DAB1: variants seen among roughly 807,000 people sequenced by gnomAD.
DAB1 encodes the protein DAB adaptor protein 1, also known as disabled homolog 1.
DAB1 carries 15 observed loss-of-function variants against 64.6 expected under a neutral mutation model. The observed-to-expected ratio is 0.23, with a 90% confidence interval of 0.16 to 0.36. The LOEUF is 0.36. DAB1 is among the 10% of genes least tolerant of loss of function. The probability of loss-of-function intolerance (pLI) is 1.00; values close to 1 mark genes in which losing one functional copy is unlikely to be tolerated. For missense variants in DAB1, 596 were observed against 706.7 expected, an observed-to-expected ratio of 0.84 and a Z score of 1.78; for synonymous variants, 235 against 251.9, an observed-to-expected ratio of 0.93 and a Z score of 0.64.
intron 7 of DAB1, among the ~76,000 whole-genome samples, chr1:57,560,375 T>C (rs1304342604): frequency 1.3e-5 from 2 of 152,252 alleles, no homozygotes; most frequent in African/African-American, 4.8e-5. Flanking sequence ...GACATTTGCA[T>C]GCCAGAGGAT....
At chr1:57,860,049 T>C (rs929640271) in intron 1 of DAB1, among the ~76,000 whole-genome samples, 14 of 152,264 alleles carry the variant, frequency 9.2e-5, no homozygotes, top group Admixed American at 2.6e-4. Flanking sequence ...ATGGTATAGA[T>C]GAGGAAAATA....
At chr1:58,003,753 CT>C (rs1333428033) in intron 5 of DAB1, among the ~76,000 whole-genome samples, 1 of 152,190 alleles carries the variant, frequency 6.6e-6, no homozygotes, top group African/African-American at 2.4e-5. Flanking sequence ...TTGGTCATCA[CT>C]GTCAGATGAC....
At chr1:57,504,666 G>T (rs1383415412) in intron 7 of DAB1, among the ~76,000 whole-genome samples, 1 of 152,118 alleles carries the variant, frequency 6.6e-6, no homozygotes, top group Non-Finnish European at 1.5e-5. Context: ...AGTGTGGGCT[G>T]GGCATTGTGA....
chr1:57,198,537 A>C lies in DAB1; in HGVS notation c.68-53108T>G, dbSNP rs569187718. Among the ~76,000 whole-genome samples, 19 of 151,494 alleles carry C rather than the reference A, an allele frequency of 1.3e-4. No homozygotes were observed. In the South Asian group the frequency reaches 3.3e-3, roughly 27 times the overall value. On this transcript the variant is annotated intron_variant, in intron 2 of 14. Coordinates refer to ENST00000371236, the MANE Select transcript of DAB1 (RefSeq NM_001365792.1). ...CCTTCTCTCAATCCCTCAATCACCA[A>C]ACCTTTTCCCTTTGCATTTGCTGTT...
At chr1:57,085,520 G>C (rs923106240) in intron 4 of DAB1, among the ~76,000 whole-genome samples, 2 of 152,242 alleles carry the variant, frequency 1.3e-5, no homozygotes, top group African/African-American at 4.8e-5. Context: ...TGTGCTAGGT[G>C]CTGGGGGTGC....
chr1:57,203,410 G>A (rs1439054880), intron 2 of DAB1, among the ~76,000 whole-genome samples: 4 of 152,194 alleles, frequency 2.6e-5, no homozygotes, highest in African/African-American at 9.7e-5. Context: ...CAGTGGGTGA[G>A]CAGAGCAGGG....
At chr1:58,319,160 G>A (rs1662625896) in intron 4 of DAB1, among the ~76,000 whole-genome samples, 1 of 152,118 alleles carries the variant, frequency 6.6e-6, no homozygotes, top group South Asian at 2.1e-4. Context: ...GGAAAGAAAT[G>A]GCACACTTTG....
intron 1 of DAB1, among the ~76,000 whole-genome samples, chr1:57,329,652 G>C (rs976661693): frequency 9.3e-6 from 1 of 107,388 alleles, no homozygotes; most frequent in East Asian, 2.5e-4. Flanking sequence ...TCTGCAATTT[G>C]TCTCTTCCAA....
At chr1:58,399,655 T>C (rs1240034938) in intron 3 of DAB1, among the ~76,000 whole-genome samples, 1 of 152,204 alleles carries the variant, frequency 6.6e-6, no homozygotes, top group Non-Finnish European at 1.5e-5. Flanking sequence ...TCAAGAACAA[T>C]TGTCTCTCCT....
At chr1:57,865,726 T>G (rs1373667952) in intron 1 of DAB1, among the ~76,000 whole-genome samples, 3 of 152,192 alleles carry the variant, frequency 2.0e-5, no homozygotes, top group Non-Finnish European at 4.4e-5. Context: ...TTCAGTATTT[T>G]AAAAGCACAA....
chr1:58,305,968 T>C (rs1315290514), intron 4 of DAB1, among the ~76,000 whole-genome samples: 3 of 152,130 alleles, frequency 2.0e-5, no homozygotes, highest in Admixed American at 6.5e-5. Flanking sequence ...GGCAGGGCTG[T>C]GACAGGAGCA....
intron 6 of DAB1, among the ~76,000 whole-genome samples, chr1:57,728,767 C>T (rs1647288771): frequency 6.6e-6 from 1 of 152,182 alleles, no homozygotes; most frequent in Non-Finnish European, 1.5e-5. Context: ...AGTAGTTGCT[C>T]TTCCTACCTG....
At chr1:57,431,385 C>T (rs572121282) in intron 7 of DAB1, among the ~76,000 whole-genome samples, 3 of 152,292 alleles carry the variant, frequency 2.0e-5, no homozygotes, top group African/African-American at 7.2e-5. Context: ...AACTACATTT[C>T]AGATACTTCT....
chr1:58,043,308 T>C (rs1647167689), intron 5 of DAB1, among the ~76,000 whole-genome samples: 1 of 152,206 alleles, frequency 6.6e-6, no homozygotes, highest in African/African-American at 2.4e-5. Flanking sequence ...TAATATAATT[T>C]CATATTAGAA....
At chr1:57,426,648 T>A (rs558052026), upstream of DAB1, among the ~76,000 whole-genome samples, 145 of 152,086 alleles carry the variant, frequency 9.5e-4, 1 homozygote, top group Non-Finnish European at 2.6e-4. Flanking sequence ...CAGACACAGT[T>A]CTGATGCTTT....
At chr1:58,537,062 TTCTCTCTC>T (rs150887072) in intron 1 of DAB1, among the ~76,000 whole-genome samples, 2 of 145,914 alleles carry the variant, frequency 1.4e-5, no homozygotes, top group South Asian at 2.2e-4. Flanking sequence ...ACATGCAAAA[TTCTCTCTC>T]TCTCTCTCTC....
At chr1:57,924,234 C>G (rs949908223) in intron 5 of DAB1, among the ~76,000 whole-genome samples, 2 of 152,184 alleles carry the variant, frequency 1.3e-5, no homozygotes, top group African/African-American at 4.8e-5. Context: ...CCTCAAGGAG[C>G]TGACTATCGG....
At position 57,433,352 on chromosome 1, in the gene DAB1, G is replaced by A. The variant is rs537228699; in HGVS notation, n.626-142186C>T. Among the ~76,000 whole-genome samples the A allele has an allele frequency of 5.3e-4, 81 of 152,172 alleles. 2 individuals carry two copies. Among genetic ancestry groups the A allele is most frequent in the African/African-American group, 1.9e-3 (80 of 41,550 alleles). On this transcript the variant is annotated intron_variant and non_coding_transcript_variant, in intron 7 of 20. Coordinates refer to the DAB1 transcript ENST00000485760. ...AGTAATCAAAACCTTATGGTAATTG[G>A]CAAATGAGACAAAATAGAGAATACA...
chr1:58,037,254 T>C (rs1167063480), intron 5 of DAB1, among the ~76,000 whole-genome samples: 1 of 152,148 alleles, frequency 6.6e-6, no homozygotes, highest in African/African-American at 2.4e-5. Context: ...GAGGCAGACC[T>C]TAACCAATGC....
Sources: allele counts gnomAD v4.1 joint callset (sites outside exome capture counted in the v4.1 genomes callset), GRCh38; gene constraint gnomAD v4.1.1; transcripts MANE v1.5; gene names NCBI Gene and HGNC (gene_info 2026-07-23, HGNC 2026-07-21).